Variants in NFIB observed in about 807,000 individuals in gnomAD.
NFIB encodes the protein nuclear factor I B, also known as nuclear factor 1 B-type.
Under a neutral mutation model 61.5 loss-of-function variants are expected in NFIB, and 11 were observed. The ratio of observed to expected loss-of-function variants is 0.18; its 90% CI spans 0.11 to 0.30. NFIB has a LOEUF of 0.30. Among genes scored for constraint, NFIB ranks in the 10% least tolerant of loss-of-function variants. The pLI is 1.00. For missense variants in NFIB, 471 were observed against 608.9 expected (o/e 0.77, Z 2.38); for synonymous variants, 260 against 216.5 (o/e 1.20, Z -1.76).
intron 2 of NFIB, among the ~76,000 whole-genome samples, chr9:14,183,014 T>C (rs2046975122): frequency 6.6e-6 from 1 of 152,116 alleles, no homozygotes; most frequent in African/African-American, 2.4e-5. Context: ...ATATATTTAA[T>C]GGTTTAAACA....
chr9:14,242,205 T>TA (rs1328174693), intron 2 of NFIB, among the ~76,000 whole-genome samples: 2 of 152,204 alleles, frequency 1.3e-5, no homozygotes, highest in African/African-American at 4.8e-5. Flanking sequence ...ATGAGCACAT[T>TA]ATCTGCACAT....
chr9:14,273,757 G>A (rs1230945155), intron 2 of NFIB, among the ~76,000 whole-genome samples: 2 of 152,056 alleles, frequency 1.3e-5, no homozygotes, highest in East Asian at 1.9e-4. Context: ...ATCTCAGCAC[G>A]CATCTCCACC....
At chr9:14,518,620 T>C in the NFIB span, among the ~76,000 whole-genome samples, 1 of 151,800 alleles carries the variant, frequency 6.6e-6, no homozygotes, top group African/African-American at 2.4e-5. Flanking sequence ...CCACTACTTT[T>C]GTCCTGCAGT....
chr9:14,444,218 G>C, the NFIB span, among the ~76,000 whole-genome samples: 1 of 152,222 alleles, frequency 6.6e-6, no homozygotes, highest in Non-Finnish European at 1.5e-5. Context: ...CTTAGGGTTA[G>C]AGTAAGAGGT....
intron 2 of NFIB, among the ~76,000 whole-genome samples, chr9:14,200,587 C>A (rs2048926330): frequency 6.6e-6 from 1 of 152,108 alleles, no homozygotes; most frequent in South Asian, 2.1e-4. Context: ...CACTAAGTAT[C>A]CCTAGCTTTT....
intron 2 of NFIB, among the ~76,000 whole-genome samples, chr9:14,289,843 T>C (rs1024240475): frequency 6.6e-6 from 1 of 152,014 alleles, no homozygotes; most frequent in Non-Finnish European, 1.5e-5. Flanking sequence ...TTTGTGGGAC[T>C]AAAAGTCAGT....
intron 2 of NFIB, among the ~76,000 whole-genome samples, chr9:14,231,718 C>T (rs1352123683): frequency 1.3e-5 from 2 of 152,112 alleles, no homozygotes; most frequent in African/African-American, 4.8e-5. Context: ...TAATTATACA[C>T]CTTATGACAG....
At chr9:14,134,925 ATT>A (rs2040862966) in intron 6 of NFIB, among the ~76,000 whole-genome samples, 1 of 149,906 alleles carries the variant, frequency 6.7e-6, no homozygotes, top group South Asian at 2.1e-4. Flanking sequence ...AAAAAAGGAA[ATT>A]GAAGGATATG....
At chr9:14,131,585 C>T (rs1464792395) in intron 6 of NFIB, among the ~76,000 whole-genome samples, 1 of 152,160 alleles carries the variant, frequency 6.6e-6, no homozygotes, top group East Asian at 1.9e-4. Flanking sequence ...TATATCTGTT[C>T]AAGTCAGCCC....
the NFIB span, among the ~76,000 whole-genome samples, chr9:14,450,979 C>T: frequency 1.3e-5 from 2 of 152,186 alleles, no homozygotes; most frequent in African/African-American, 4.8e-5. Context: ...TTTTCACAAA[C>T]GAGACTCACA....
chr9:14,109,565 A>G (rs1310367012), intron 10 of NFIB, among the ~76,000 whole-genome samples: 1 of 152,112 alleles, frequency 6.6e-6, no homozygotes, highest in Non-Finnish European at 1.5e-5. Context: ...TGAAGCTCCA[A>G]CTGAAGTTCT....
intron 2 of NFIB, chr9:14,204,993 T>C (rs11790310): frequency 0.48 from 135,058 of 284,294 alleles, 35,385 homozygotes; most frequent in Non-Finnish European, 0.58. Flanking sequence ...GTGGCTTACA[T>C]TGCCAAGCTC....
At chr9:14,180,859 T>C (rs935335338) in intron 2 of NFIB, 4 of 152,198 alleles carry the variant, frequency 2.6e-5, no homozygotes, top group Admixed American at 2.0e-4. Context: ...AGCAGCCTCT[T>C]TGCTTGCCTA....
At chr9:14,146,027 TG>T (rs1053089298) in intron 6 of NFIB, among the ~76,000 whole-genome samples, 1 of 152,100 alleles carries the variant, frequency 6.6e-6, no homozygotes, top group Admixed American at 6.6e-5. Context: ...CCTCTGATTG[TG>T]GGGGAAAGCA....
At chr9:14,162,570 A>T (rs1395518662) in intron 3 of NFIB, among the ~76,000 whole-genome samples, 1 of 152,082 alleles carries the variant, frequency 6.6e-6, no homozygotes, top group African/African-American at 2.4e-5. Context: ...TTTTTATACC[A>T]GGAGTATACA....
Position 14,083,368 on chromosome 9 carries a change from G to T in NFIB, c.*4941C>A. 1 of 225,366 alleles carries T rather than the reference G, an allele frequency of 4.4e-6. No individual in the cohort carries two copies. The allele number at this position is 225,366 out of a possible 1,614,324, so 14.0% of individuals were successfully genotyped here. A position where few individuals can be genotyped will look rare whatever the true frequency, so the allele number is the denominator to read the frequency against. On this transcript the variant is annotated 3_prime_UTR_variant, in exon 11 of 11. Coordinates refer to ENST00000380953, the MANE Select transcript of NFIB (RefSeq NM_001190737.2). Reference sequence around the variant, plus strand: ...AATTTTAGGGAATTAGAAAAAACAGGGGAACTACCAGAAAGTGCAAAATAT... The same window carrying T: ...AATTTTAGGGAATTAGAAAAAACAGTGGAACTACCAGAAAGTGCAAAATAT...
At position 14,113,076 on chromosome 9, in the gene NFIB, T is replaced by C. The variant is rs1203505870; in HGVS notation, c.1390A>G (p.Thr464Ala). 7 of 1,549,400 alleles carry C rather than the reference T, an allele frequency of 4.5e-6. No homozygotes were observed. Among genetic ancestry groups the C allele is most frequent in the African/African-American group, 1.4e-5 (1 of 72,920 alleles). The change falls in exon 10 of 11, where the codon ACA (threonine) becomes GCA (alanine). Residue 464 changes from threonine to alanine, a missense_variant. Transcript: ENST00000380953. ...KPITTSTEAYTASGTSQANRY... is the reference protein window; with the variant it reads ...KPITTSTEAYAASGTSQANRY... ...TTGGCTTGAGATGTGCCTGAGGCTG[T>C]GTAGGCTGATTAAGGAAGAACAAAA... is the stretch of plus-strand genomic sequence containing the variant.
At chr9:14,250,689 C>T (rs564610825) in intron 2 of NFIB, among the ~76,000 whole-genome samples, 4 of 152,248 alleles carry the variant, frequency 2.6e-5, no homozygotes, top group East Asian at 3.9e-4. Context: ...AATTCATCAC[C>T]GGGATTACAG....
chr9:14,352,528 G>C (rs73417798), intron 1 of NFIB, among the ~76,000 whole-genome samples: 1,555 of 152,278 alleles, frequency 0.01, 24 homozygotes, highest in African/African-American at 0.035. Context: ...GAGACCACAG[G>C]CTCCCTCAGT....
Sources: gnomAD v4.1 joint callset for allele counts (sites outside exome capture counted in the v4.1 genomes callset) on GRCh38, gnomAD v4.1.1 for gene constraint, MANE v1.5 for transcripts, NCBI Gene and HGNC (gene_info 2026-07-23, HGNC 2026-07-21) for gene names.